KCTD8: variants seen among roughly 807,000 people sequenced by gnomAD.
KCTD8 encodes the protein BTB/POZ domain-containing protein KCTD8.
Under a neutral mutation model 31.5 loss-of-function variants are expected in KCTD8, and 27 were observed. The observed-to-expected ratio is 0.86, with a 90% CI of 0.63 to 1.18. The LOEUF (loss-of-function observed/expected upper bound fraction) is 1.18. Ranked by LOEUF, KCTD8 falls within the 50% of genes most tolerant of loss-of-function variation. The pLI, the probability that KCTD8 is intolerant of heterozygous loss-of-function variation, is 0.00. For synonymous variants in KCTD8, 290 were observed against 280.0 expected, an observed-to-expected ratio of 1.04 and a Z score of -0.36; for missense variants, 658 against 647.7, an observed-to-expected ratio of 1.02 and a Z score of -0.17.
intron 1 of KCTD8, among the ~76,000 whole-genome samples, chr4:44,223,109 G>GA (rs1195615442): frequency 6.6e-6 from 1 of 152,172 alleles, no homozygotes; most frequent in Non-Finnish European, 1.5e-5. Flanking sequence ...ATAGTAGAGT[G>GA]AAATAGATGG....
At chr4:44,315,192 C>CT (rs1367989599) in intron 1 of KCTD8, among the ~76,000 whole-genome samples, 2 of 151,822 alleles carry the variant, frequency 1.3e-5, no homozygotes, top group African/African-American at 4.8e-5. Context: ...ATTGTAATTT[C>CT]TTTTTTTAAA....
chr4:44,209,003 T>C (rs1714401102), intron 1 of KCTD8, among the ~76,000 whole-genome samples: 1 of 152,158 alleles, frequency 6.6e-6, no homozygotes, highest in Admixed American at 6.6e-5. Flanking sequence ...GATATAGATT[T>C]TATTTGAAGG....
At chr4:44,262,491 GA>G (rs1237176125) in intron 1 of KCTD8, among the ~76,000 whole-genome samples, 5 of 152,016 alleles carry the variant, frequency 3.3e-5, no homozygotes, top group Non-Finnish European at 7.4e-5. Context: ...ACTTAAGATA[GA>G]ATATATTCTT....
In KCTD8 at chr4:44,305,187, T is replaced by TA. The variant is rs570849822; in HGVS notation, c.962-129938dup. Among the ~76,000 whole-genome samples, 4 of 151,628 alleles carry TA rather than the reference T, an allele frequency of 2.6e-5. 1 individual carries two copies. In the South Asian group the frequency reaches 8.3e-4, roughly 32 times the overall value. On this transcript the variant is annotated intron_variant, in intron 1 of 1. Coordinates refer to ENST00000360029, the MANE Select transcript of KCTD8 (RefSeq NM_198353.3). ...ATATTAAAATCTAGGAAAAAAGAAT[T>TA]AAAAAATCAAAGTTTAGATAATTAA...
At chr4:44,266,197 A>G (rs559900775) in intron 1 of KCTD8, among the ~76,000 whole-genome samples, 5 of 152,154 alleles carry the variant, frequency 3.3e-5, no homozygotes, top group Admixed American at 2.0e-4. Flanking sequence ...CGGATCTCTC[A>G]GCAGAAACTC....
At chr4:44,338,025 A>G (rs1048767053) in intron 1 of KCTD8, among the ~76,000 whole-genome samples, 22 of 152,112 alleles carry the variant, frequency 1.4e-4, no homozygotes, top group Admixed American at 6.5e-5. Flanking sequence ...TAAAATTATC[A>G]TCACAGTCTG....
In KCTD8 at chr4:44,446,980, G is replaced by GC. The variant is rs148508447; in HGVS notation, c.961+582dup. The stretch of plus-strand genomic sequence containing the variant: ...TCCCCACACCCGCTCTCATGCCCCC[G>GC]CCCCCTCGAGGGGCTCTGGGGGCAC... On this transcript the variant is annotated intron_variant, in intron 1 of 1. Coordinates refer to ENST00000360029, the MANE Select transcript of KCTD8 (RefSeq NM_198353.3). Among the ~76,000 whole-genome samples, 1,351 of 152,040 alleles carry GC rather than the reference G, an allele frequency of 8.9e-3. 9 individuals carry two copies. Among genetic ancestry groups the GC allele is most frequent in the Non-Finnish European group, 0.014 (945 of 67,966 alleles).
intron 1 of KCTD8, among the ~76,000 whole-genome samples, chr4:44,192,475 TAC>T (rs34405384): frequency 0.098 from 13,343 of 136,706 alleles, 693 homozygotes; most frequent in African/African-American, 0.16. Flanking sequence ...TAAGCAAAGA[TAC>T]ACACACACAC....
intron 1 of KCTD8, among the ~76,000 whole-genome samples, chr4:44,212,289 C>T (rs1261169442): frequency 6.6e-6 from 1 of 152,166 alleles, no homozygotes; most frequent in Admixed American, 6.5e-5. Context: ...TCTAATTATT[C>T]AAGACTTTAC....
chr4:44,302,538 A>G (rs939487555), intron 1 of KCTD8, among the ~76,000 whole-genome samples: 1 of 152,120 alleles, frequency 6.6e-6, no homozygotes, highest in African/African-American at 2.4e-5. Flanking sequence ...TTGGTGTATA[A>G]GAATGCTTGT....
intron 1 of KCTD8, among the ~76,000 whole-genome samples, chr4:44,408,857 T>G (rs915747011): frequency 6.6e-6 from 1 of 152,000 alleles, no homozygotes; most frequent in Non-Finnish European, 1.5e-5. Flanking sequence ...GACCTCATGA[T>G]CTGCCCACCT....
At chr4:44,291,283 C>T (rs2109385369) in intron 1 of KCTD8, among the ~76,000 whole-genome samples, 2 of 151,986 alleles carry the variant, frequency 1.3e-5, no homozygotes, top group Admixed American at 6.6e-5. Context: ...CATGAACAGA[C>T]CAAACAAATA....
intron 1 of KCTD8, among the ~76,000 whole-genome samples, chr4:44,428,060 T>C (rs1721389797): frequency 6.6e-6 from 1 of 151,596 alleles, no homozygotes; most frequent in African/African-American, 2.4e-5. Context: ...AATAATGAAA[T>C]CACAATTCAG....
At chr4:44,326,210 T>C (rs556650556) in intron 1 of KCTD8, among the ~76,000 whole-genome samples, 2 of 152,036 alleles carry the variant, frequency 1.3e-5, no homozygotes, top group Admixed American at 6.5e-5. Flanking sequence ...TTTCCTATTT[T>C]TTTCAACTTA....
chr4:44,177,426 A>G (rs1713250947), intron 1 of KCTD8, among the ~76,000 whole-genome samples: 2 of 152,006 alleles, frequency 1.3e-5, no homozygotes, highest in South Asian at 4.1e-4. Context: ...TTTTAGGCCT[A>G]CAGGTGTTGA....
chr4:44,333,926 T>C (rs1718651543), intron 1 of KCTD8, among the ~76,000 whole-genome samples: 1 of 152,162 alleles, frequency 6.6e-6, no homozygotes, highest in Non-Finnish European at 1.5e-5. Context: ...TGTTCCTTCA[T>C]ATGCCATAAA....
chr4:44,290,630 T>C (rs1340889768), intron 1 of KCTD8, among the ~76,000 whole-genome samples: 1 of 151,896 alleles, frequency 6.6e-6, no homozygotes, highest in Non-Finnish European at 1.5e-5. Flanking sequence ...CACAGTGCAA[T>C]AAAAATAGAA....
intron 1 of KCTD8, among the ~76,000 whole-genome samples, chr4:44,249,708 AATT>A (rs941653424): frequency 7.9e-5 from 12 of 151,562 alleles, no homozygotes; most frequent in African/African-American, 2.7e-4. Context: ...ATTATAAATA[AATT>A]ATTAGTATTT....
intron 1 of KCTD8, among the ~76,000 whole-genome samples, chr4:44,198,661 A>T (rs760784711): frequency 1.6e-4 from 24 of 152,174 alleles, no homozygotes; most frequent in South Asian, 4.1e-4. Context: ...TAAGGAAATG[A>T]TAAACATAAA....
Sources: allele counts gnomAD v4.1 joint callset (sites outside exome capture counted in the v4.1 genomes callset), GRCh38; gene constraint gnomAD v4.1.1; transcripts MANE v1.5; gene names NCBI Gene and HGNC (gene_info 2026-07-23, HGNC 2026-07-21).